Variants in MAK16 observed in about 807,000 individuals in gnomAD.
The protein encoded by MAK16 is MAK16 homolog.
Under a neutral mutation model 49.9 loss-of-function variants are expected in MAK16, and 12 were observed. The ratio of observed to expected loss-of-function variants is 0.24; its 90% confidence interval spans 0.15 to 0.39. The LOEUF (loss-of-function observed/expected upper bound fraction) is 0.39, where lower values mean the gene tolerates loss of function less well. MAK16 is among the 10% of genes least tolerant of loss of function. The pLI is 1.00. For synonymous variants in MAK16, 115 were observed against 126.4 expected (o/e 0.91, Z 0.60); for missense variants, 292 against 363.7 (o/e 0.80, Z 1.60).
intron 1 of MAK16, among the ~76,000 whole-genome samples, chr8:33,488,077 C>A (rs541827882): frequency 3.4e-4 from 51 of 152,204 alleles, no homozygotes; most frequent in Non-Finnish European, 7.1e-4. Flanking sequence ...TACAGGCATG[C>A]GCCACCATGC....
rs550830860 is a variant in MAK16, at chr8:33,497,559, C to G, written c.705+262C>G. On this transcript the variant is annotated intron_variant, in intron 9 of 9. Transcript: ENST00000360128. ...TCAGGCTAGAGTGCCATAGTGCAAT[C>G]TGGGCTCATCGCAGCCTCAGCCTCC... Among the ~76,000 whole-genome samples the G allele has an allele frequency of 2.6e-5, 4 of 151,964 alleles. No individual in the cohort carries two copies. In the South Asian group the frequency reaches 8.3e-4, roughly 32 times the overall value.
At position 33,495,559 on chromosome 8, in the gene MAK16, T is replaced by C. The variant is rs777558288; in HGVS notation, c.465T>C (p.Ala155=). Reference sequence around the variant, plus strand: ...CCTTATAGGAAAAGGCATTAATAGCTGCTCAGCTGGACAATGCCATTGAGA... The same window carrying C: ...CCTTATAGGAAAAGGCATTAATAGCCGCTCAGCTGGACAATGCCATTGAGA... ...EKRREEKALI[A]AQLDNAIEKE... is the part of the protein sequence containing the mutation. The change falls in exon 7 of 10, where the codon GCT becomes GCC. Residue 155 remains alanine (A), a synonymous_variant. Transcript: ENST00000360128. The C allele has an allele frequency of 3.7e-6, 6 of 1,613,848 alleles. No individual in the cohort carries two copies. In the Admixed American group the frequency reaches 1.0e-4, roughly 27 times the overall value.
rs1447434964 is a variant in MAK16 at position 33,500,651 on chromosome 8, C to G, written c.*2022C>G. 1.9e-5 allele frequency: 15 copies of G among 777,472 alleles called. No individual in the cohort carries two copies. The highest frequency in any genetic ancestry group is 2.8e-5 in the Non-Finnish European group (14 of 503,870). 48.2% of individuals were successfully genotyped at this position (777,472 alleles called of 1,614,324 possible). ...CTAAAAACAGAACCAAAGACAGCCT[C>G]TAGATTTCTTACCCTCAAGTCTCCT... On this transcript the variant is annotated 3_prime_UTR_variant, in exon 10 of 10. Coordinates refer to ENST00000360128, the MANE Select transcript of MAK16 (RefSeq NM_032509.4).
In MAK16 at chr8:33,499,401, G is replaced by A. The variant is rs1808979962; in HGVS notation, c.*772G>A. 2.7e-6 allele frequency: 2 copies of A among 727,514 alleles called. No homozygotes were observed. Among genetic ancestry groups the A allele is most frequent in the South Asian group, 3.2e-5 (2 of 63,222 alleles). 45.1% of individuals were successfully genotyped at this position (727,514 alleles called of 1,614,324 possible). A position where few individuals can be genotyped will look rare whatever the true frequency, so the allele number is the denominator to read the frequency against. ...AAAGAATGGATGACACTTAGGGACA[G>A]GTCACTAAGCAGAATAGGTATTAGT... is the stretch of plus-strand genomic sequence containing the variant. On this transcript the variant is annotated 3_prime_UTR_variant, in exon 10 of 10. Coordinates refer to ENST00000360128, the MANE Select transcript of MAK16 (RefSeq NM_032509.4).
Position 33,489,098 on chromosome 8 carries a change from C to A in MAK16, c.351C>A (p.Thr117=). 1.2e-6 allele frequency: 2 copies of A among 1,613,886 alleles called. No individual in the cohort carries two copies. The highest frequency in any genetic ancestry group is 1.3e-5 in the African/African-American group (1 of 75,026). The change falls in exon 5 of 10, where the codon ACC becomes ACA. Residue 117 remains threonine, a synonymous_variant. Coordinates refer to ENST00000360128, the MANE Select transcript of MAK16 (RefSeq NM_032509.4). The surrounding 1 kb of genome is among the most constrained non-coding windows in gnomAD (Gnocchi z 4.2). ...HKCKQRFTKI[T]QYLIRIRKLT... is the part of the protein sequence containing the mutation. ...GTAAGCAGAGATTCACCAAGATCAC[C>A]CAATACCTAATTCGAATTAGAAAAC...
Position 33,499,068 on chromosome 8 carries a change from A to C in MAK16, c.*439A>C, listed in dbSNP as rs1044993431. 6.9e-5 allele frequency: 66 copies of C among 959,194 alleles called. No individual in the cohort carries two copies. In the Admixed American group the frequency reaches 1.3e-3, roughly 19 times the overall value. 59.4% of individuals were successfully genotyped at this position (959,194 alleles called of 1,614,324 possible). ...AGGAAGGAAGGAAAAAGCAGCTTTC[A>C]CTTACAAAGTTTCGTGTAAAAATAT... On this transcript the variant is annotated 3_prime_UTR_variant, in exon 10 of 10. Transcript: ENST00000360128.
At chr8:33,488,169 C>G (rs1270470696) in intron 1 of MAK16, among the ~76,000 whole-genome samples, 1 of 152,128 alleles carries the variant, frequency 6.6e-6, no homozygotes, top group East Asian at 1.9e-4. Context: ...CTCAGGTGAT[C>G]CGCCCAACTC....
intron 1 of MAK16, among the ~76,000 whole-genome samples, chr8:33,486,372 G>A (rs2676396): frequency 0.022 from 3,383 of 152,206 alleles, 61 homozygotes; most frequent in East Asian, 0.078. Context: ...AGGCAATAAA[G>A]TGAGACTCCA....
chr8:33,500,365 A>C lies in MAK16; in HGVS notation c.*1736A>C. ...TTGAGAACAGCGGTCCAGGAGAATC[A>C]GGCAGTCTGTGGCCTCCTGTAGCAG... On this transcript the variant is annotated 3_prime_UTR_variant, in exon 10 of 10. Transcript: ENST00000360128. 1 of 1,614,154 alleles carries C rather than the reference A, an allele frequency of 6.2e-7. No homozygotes were observed. The highest frequency in any genetic ancestry group is 8.5e-7 in the Non-Finnish European group (1 of 1,180,016).
chr8:33,485,498 C>A, intron 1 of MAK16: 1 of 456,784 alleles, frequency 2.2e-6, no homozygotes. Context: ...CAGGACGTCG[C>A]GTCATGCTGT....
intron 1 of MAK16, 167 bp downstream of exon 1, chr8:33,485,388 C>T (rs1004731906): frequency 1.0e-5 from 9 of 876,258 alleles, no homozygotes; most frequent in Admixed American, 4.2e-5. Flanking sequence ...GCGTGTCTAG[C>T]AGGGGTTTAC....
chr8:33,500,701 G>T lies in MAK16; in HGVS notation c.*2072G>T, dbSNP rs1279142616. 2 of 537,794 alleles carry T rather than the reference G, an allele frequency of 3.7e-6. No individual in the cohort carries two copies. Among genetic ancestry groups the T allele is most frequent in the East Asian group, 3.4e-5 (1 of 29,468 alleles). The allele number at this position is 537,794 out of a possible 1,614,324, so 33.3% of individuals were successfully genotyped here. ...TGTTAGCATACTGCCTATACACACAGACACACCCTCTGCCACACTGCTCTC... is the reference window on the plus strand; with the variant it reads ...TGTTAGCATACTGCCTATACACACATACACACCCTCTGCCACACTGCTCTC... On this transcript the variant is annotated 3_prime_UTR_variant, in exon 10 of 10. Transcript: ENST00000360128.
Position 33,489,310 on chromosome 8 carries a change from G to A in MAK16, c.392+171G>A. The A allele has an allele frequency of 1.7e-6, 1 of 596,004 alleles. No individual in the cohort carries two copies. Among genetic ancestry groups the A allele is most frequent in the South Asian group, 2.2e-5 (1 of 44,960 alleles). 36.9% of individuals were successfully genotyped at this position (596,004 alleles called of 1,614,324 possible). On this transcript the variant is annotated intron_variant, in intron 5 of 9. Coordinates refer to ENST00000360128, the MANE Select transcript of MAK16 (RefSeq NM_032509.4). The surrounding 1 kb of genome is among the most constrained non-coding windows in gnomAD (Gnocchi z 4.2). ...AAAGGTGTGCCCTTTGATATGGCAG[G>A]ACTTTTAAAACAGTAGAATACAACT... is the stretch of plus-strand genomic sequence containing the variant.
chr8:33,494,903 C>G (rs1235690702), intron 6 of MAK16, among the ~76,000 whole-genome samples: 1 of 152,006 alleles, frequency 6.6e-6, no homozygotes, highest in Non-Finnish European at 1.5e-5. Flanking sequence ...CTCAGCCTCC[C>G]GAGTAGCTGG....
rs1304150428 is a variant in MAK16 at position 33,498,714 on chromosome 8, GT to G, written c.*90del. The G allele has an allele frequency of 8.4e-6, 10 of 1,187,126 alleles. No homozygotes were observed. Among genetic ancestry groups the G allele is most frequent in the Non-Finnish European group, 1.2e-5 (10 of 845,812 alleles). The allele number at this position is 1,187,126 out of a possible 1,614,324, so 73.5% of individuals were successfully genotyped here. The stretch of plus-strand genomic sequence containing the variant: ...TATCTTAAACACATACACACCTCCA[GT>G]TTTTGCTCTTTTGTGTTGTACTGAA... On this transcript the variant is annotated 3_prime_UTR_variant, in exon 10 of 10. Coordinates refer to ENST00000360128, the MANE Select transcript of MAK16 (RefSeq NM_032509.4).
chr8:33,488,406 A>G lies in MAK16; in HGVS notation c.44A>G (p.Gln15Arg), dbSNP rs1180781831. Residue 15 changes from glutamine (Q) to arginine (R), a missense_variant, in exon 2 of 10, where the codon CAA (glutamine) becomes CGA (arginine). Transcript: ENST00000360128. The part of the protein sequence containing the change: ...DVIWDTLGNK[Q>R]FCSFKIRTKT... ...ATCTGGGATACACTAGGAAACAAGC[A>G]ATTTTGTTCCTTCAAAATAAGGTGA... The G allele has an allele frequency of 6.2e-7, 1 of 1,614,098 alleles. No homozygotes were observed. Among genetic ancestry groups the G allele is most frequent in the African/African-American group, 1.3e-5 (1 of 74,936 alleles).
intron 1 of MAK16, among the ~76,000 whole-genome samples, chr8:33,487,080 C>CT (rs572944608): frequency 5.3e-5 from 8 of 151,900 alleles, no homozygotes; most frequent in East Asian, 1.9e-4. Context: ...AGTGGTAAAG[C>CT]TTTTTTTTAC....
At chr8:33,496,827 C>A in intron 8 of MAK16, 86 bp downstream of exon 8, 1 of 985,530 alleles carries the variant, frequency 1.0e-6, no homozygotes, top group Non-Finnish European at 1.5e-6. Context: ...GTCCGCTAAC[C>A]AAAAATGATA....
chr8:33,497,400 G>C (rs894792304), intron 9 of MAK16, 103 bp downstream of exon 9: 4 of 859,910 alleles, frequency 4.7e-6, no homozygotes, highest in African/African-American at 1.7e-5. Flanking sequence ...TCCTATAATT[G>C]CAGCACTTTG....
Sources: gnomAD v4.1 joint callset for allele counts (sites outside exome capture counted in the v4.1 genomes callset) on GRCh38, gnomAD v4.1.1 for gene constraint, Gnocchi (gnomAD v3.1) non-coding constraint, MANE v1.5 for transcripts, NCBI Gene and HGNC (gene_info 2026-07-23, HGNC 2026-07-21) for gene names.